TYW1B: variants seen among roughly 807,000 people sequenced by gnomAD.
TYW1B encodes S-adenosyl-L-methionine-dependent tRNA 4-demethylwyosine synthase TYW1B.
Under a neutral mutation model 86.9 loss-of-function variants are expected in TYW1B, and 73 were observed. The observed-to-expected ratio is 0.84, with a 90% CI of 0.70 to 1.02. The LOEUF is 1.02. TYW1B is among the 50% of genes least tolerant of loss of function. TYW1B has a pLI of 0.00. For synonymous variants in TYW1B, 248 were observed against 292.8 expected (o/e 0.85, Z 1.56); for missense variants, 637 against 827.4 (o/e 0.77, Z 2.82).
chr7:72,687,799 T>C (rs1814045693), intron 11 of TYW1B, among the ~76,000 whole-genome samples: 1 of 152,092 alleles, frequency 6.6e-6, no homozygotes, highest in Non-Finnish European at 1.5e-5. Flanking sequence ...CTCATGCCTG[T>C]AATCCCAGCA....
In TYW1B at chr7:72,820,842, T is replaced by C. The variant is rs181455281; in HGVS notation, c.136-5361A>G. Among the ~76,000 whole-genome samples the C allele has an allele frequency of 2.0e-5, 3 of 152,356 alleles. No individual in the cohort carries two copies. The East Asian group carries it at 5.8e-4, about 29-fold the overall frequency. ...ATTATAGCAGAAGTCAATGGTGAGATGACTGTCCAAATCCAGACAAAATAT... is the reference window on the plus strand; with the variant it reads ...ATTATAGCAGAAGTCAATGGTGAGACGACTGTCCAAATCCAGACAAAATAT... On this transcript the variant is annotated intron_variant, in intron 2 of 13. Transcript: ENST00000620995.
chr7:72,736,231 G>A (rs1339006764), intron 8 of TYW1B, among the ~76,000 whole-genome samples: 1 of 152,178 alleles, frequency 6.6e-6, no homozygotes, highest in Non-Finnish European at 1.5e-5. Context: ...AGAGGCAAAG[G>A]CAGAGAACAA....
At chr7:72,663,730 C>CTCCA (rs1563051027) in intron 11 of TYW1B, among the ~76,000 whole-genome samples, 1 of 136,690 alleles carries the variant, frequency 7.3e-6, no homozygotes, top group African/African-American at 2.8e-5. Context: ...CGCCACTGCA[C>CTCCA]TCCAGCCTGG....
chr7:72,741,009 C>A lies in TYW1B; in HGVS notation c.1082+3475G>T, dbSNP rs1323364686. 1.4e-4 allele frequency among the ~76,000 whole-genome samples: 22 copies of A among 152,096 alleles called. 1 individual carries two copies. The highest frequency in any genetic ancestry group is 1.0e-3 in the South Asian group (5 of 4,810). ...CCTCCCAAAGTGCTGGAATTACAGGCATGAACCACCATGCCAGGCCAAAAT... is the reference window on the plus strand; with the variant it reads ...CCTCCCAAAGTGCTGGAATTACAGGAATGAACCACCATGCCAGGCCAAAAT... On this transcript the variant is annotated intron_variant, in intron 8 of 13. Transcript: ENST00000620995.
intron 6 of TYW1B, among the ~76,000 whole-genome samples, chr7:72,781,757 A>G (rs1268495560): frequency 6.6e-6 from 1 of 152,022 alleles, no homozygotes; most frequent in Non-Finnish European, 1.5e-5. Context: ...CACTCCTCCC[A>G]TCTCCCATAC....
intron 11 of TYW1B, among the ~76,000 whole-genome samples, chr7:72,652,411 T>C (rs1813087543): frequency 6.7e-6 from 1 of 149,262 alleles, no homozygotes; most frequent in Non-Finnish European, 1.5e-5. Flanking sequence ...AAAAAATTTT[T>C]GTGACATTGT....
chr7:72,651,996 C>G (rs1813070099), intron 11 of TYW1B, among the ~76,000 whole-genome samples: 2 of 152,106 alleles, frequency 1.3e-5, no homozygotes, highest in Non-Finnish European at 2.9e-5. Context: ...CAGCTCACTG[C>G]AGCCTCAACC....
chr7:72,782,980 C>T (rs781951803), intron 6 of TYW1B, among the ~76,000 whole-genome samples: 5 of 152,198 alleles, frequency 3.3e-5, no homozygotes, highest in Non-Finnish European at 7.4e-5. Flanking sequence ...ACAGGATGGG[C>T]ATTCGGTAAA....
intron 8 of TYW1B, among the ~76,000 whole-genome samples, chr7:72,732,822 C>A (rs1337535022): frequency 2.6e-5 from 4 of 151,698 alleles, no homozygotes; most frequent in Non-Finnish European, 5.9e-5. Context: ...ACAGAAAGTT[C>A]ATTTTTTAAA....
At chr7:72,796,540 A>G (rs1317978998) in intron 6 of TYW1B, among the ~76,000 whole-genome samples, 1 of 151,406 alleles carries the variant, frequency 6.6e-6, no homozygotes, top group Non-Finnish European at 1.5e-5. Flanking sequence ...CAGGCCAACT[A>G]ATTTTTTTTT....
intron 9 of TYW1B, among the ~76,000 whole-genome samples, chr7:72,717,263 T>A (rs1471335279): frequency 1.3e-5 from 2 of 150,162 alleles, no homozygotes; most frequent in Admixed American, 6.7e-5. Flanking sequence ...ACTGCGCCAC[T>A]GCCCTCTAGC....
At chr7:72,591,049 A>G (rs558173120) in intron 13 of TYW1B, among the ~76,000 whole-genome samples, 15 of 152,200 alleles carry the variant, frequency 9.9e-5, no homozygotes, top group Non-Finnish European at 1.9e-4. Context: ...AATAACTGAA[A>G]TGAAAAATTC....
At chr7:72,728,567 A>G (rs1363251256) in intron 9 of TYW1B, among the ~76,000 whole-genome samples, 1 of 152,154 alleles carries the variant, frequency 6.6e-6, no homozygotes, top group East Asian at 1.9e-4. Context: ...TCGGCCTCCC[A>G]AAGTGCTGGG....
intron 3 of TYW1B, among the ~76,000 whole-genome samples, 176 bp downstream of exon 3, chr7:72,815,204 T>C (rs781991853): frequency 5.9e-5 from 9 of 152,008 alleles, no homozygotes; most frequent in Non-Finnish European, 1.3e-4. Context: ...TGAGAATCAG[T>C]GAACCTCACC....
In TYW1B at chr7:72,742,261, C is replaced by T. The variant is rs1378327532; in HGVS notation, c.1082+2223G>A. Among the ~76,000 whole-genome samples, 30 of 152,140 alleles carry T rather than the reference C, an allele frequency of 2.0e-4. 1 individual carries two copies. The highest frequency in any genetic ancestry group is 1.0e-4 in the Non-Finnish European group (7 of 68,024). On this transcript the variant is annotated intron_variant, in intron 8 of 13. Coordinates refer to ENST00000620995, the MANE Select transcript of TYW1B (RefSeq NM_001145440.3). ...CCCCCACCTCAGCCTTCTGGAGTAG[C>T]TGGGACCTCAGACATGCACCACCAT...
intron 13 of TYW1B, among the ~76,000 whole-genome samples, chr7:72,597,873 GC>G (rs1811574020): frequency 6.6e-6 from 1 of 151,816 alleles, no homozygotes; most frequent in African/African-American, 2.4e-5. Context: ...CAAAGAACAA[GC>G]AACTTCAGGG....
At chr7:72,610,917 C>T (rs1362390689) in intron 13 of TYW1B, among the ~76,000 whole-genome samples, 12 of 152,170 alleles carry the variant, frequency 7.9e-5, no homozygotes, top group African/African-American at 2.9e-4. Context: ...CCTCCCCATG[C>T]CCTTTAGGGA....
chr7:72,678,453 T>A (rs2690148), intron 11 of TYW1B, among the ~76,000 whole-genome samples: 1 of 133,614 alleles, frequency 7.5e-6, no homozygotes, highest in Non-Finnish European at 1.6e-5. Context: ...AAACAGCCAA[T>A]GGAGAAATGG....
At position 72,691,188 on chromosome 7, in the gene TYW1B, G is replaced by A. The variant is rs544447954; in HGVS notation, c.1506+3499C>T. Among the ~76,000 whole-genome samples, 11 of 144,950 alleles carry A rather than the reference G, an allele frequency of 7.6e-5. No homozygotes were observed. In the South Asian group the frequency reaches 1.3e-3, roughly 17 times the overall value. On this transcript the variant is annotated intron_variant, in intron 11 of 13. Transcript: ENST00000620995. ...GTCTTATAAGATCAGACATTCAGAAGGAAGTAACAGCTTGAGTCAATTTAA... is the reference window on the plus strand; with the variant it reads ...GTCTTATAAGATCAGACATTCAGAAAGAAGTAACAGCTTGAGTCAATTTAA...
Sources: allele counts gnomAD v4.1 joint callset (sites outside exome capture counted in the v4.1 genomes callset), GRCh38; gene constraint gnomAD v4.1.1; transcripts MANE v1.5; gene names NCBI Gene and HGNC (gene_info 2026-07-23, HGNC 2026-07-21).